Variants in KIF23 observed in about 807,000 individuals in gnomAD.
The protein encoded by KIF23 is kinesin-like protein KIF23.
Under a neutral mutation model 137.5 loss-of-function variants are expected in KIF23, and 30 were observed. The observed-to-expected ratio is 0.22, with a 90% CI of 0.16 to 0.30. KIF23 has a LOEUF of 0.30. Among genes scored for constraint, KIF23 ranks in the 10% least tolerant of loss-of-function variants. KIF23 has a pLI of 1.00. For synonymous variants in KIF23, 367 were observed against 391.1 expected (o/e 0.94, Z 0.73); for missense variants, 920 against 1,194.3 (o/e 0.77, Z 3.38).
At chr15:69,438,825 T>C (rs543908796) in intron 16 of KIF23, among the ~76,000 whole-genome samples, 1 of 151,006 alleles carries the variant, frequency 6.6e-6, no homozygotes. Flanking sequence ...GTTCTCAGGC[T>C]GAGTGCGGGG....
chr15:69,414,358 C>CG lies in KIF23; in HGVS notation c.-107dup, dbSNP rs2056829654. ...CGTCGCCGCCGGCTTCGCAGAGCAC[C>CG]GCGCCTTAGCCGCGAAGTTCTAGTT... On this transcript the variant is annotated 5_prime_UTR_variant, in exon 1 of 24. Transcript: ENST00000679126. The CG allele has an allele frequency of 2.7e-6, 4 of 1,482,662 alleles. No individual in the cohort carries two copies. Among genetic ancestry groups the CG allele is most frequent in the Non-Finnish European group, 3.7e-6 (4 of 1,095,568 alleles). 91.8% of individuals were successfully genotyped at this position (1,482,662 alleles called of 1,614,324 possible). A position where few individuals can be genotyped will look rare whatever the true frequency, so the allele number is the denominator to read the frequency against.
Position 69,426,720 on chromosome 15 carries a change from GA to G in KIF23, c.1011+272del, listed in dbSNP as rs1042248021. ...GGGTGACAGAGTGAGACCCTGTCTT[GA>G]AAAAAAAAGTTAAATTAGAGAGGTT... On this transcript the variant is annotated intron_variant, in intron 10 of 23. Coordinates refer to ENST00000679126, the MANE Select transcript of KIF23 (RefSeq NM_001367805.3). 4.5e-4 allele frequency: 154 copies of G among 344,234 alleles called. 1 individual carries two copies. The highest frequency in any genetic ancestry group is 8.4e-4 in the East Asian group (16 of 19,128). The allele number at this position is 344,234 out of a possible 1,614,324, so 21.3% of individuals were successfully genotyped here.
chr15:69,419,725 T>A (rs2057006499), intron 3 of KIF23, among the ~76,000 whole-genome samples: 3 of 152,238 alleles, frequency 2.0e-5, no homozygotes, highest in African/African-American at 7.2e-5. Flanking sequence ...GTACCTTATA[T>A]GTTCTGTTCA....
chr15:69,440,002 T>C lies in KIF23; in HGVS notation c.1854T>C (p.Phe618=), dbSNP rs1327098870. The C allele has an allele frequency of 6.2e-7, 1 of 1,614,098 alleles. No homozygotes were observed. Among genetic ancestry groups the C allele is most frequent in the South Asian group, 1.1e-5 (1 of 91,076 alleles). ...AGAACCAGAAACTTCAGCGACAGTT[T>C]TCTGACAAACGCAGATTAGAAGCCA... ...ETQNQKLQRQ[F]SDKRRLEARL... The change falls in exon 17 of 24, where the codon TTT becomes TTC. Residue 618 remains phenylalanine, a synonymous_variant. Transcript: ENST00000679126.
At position 69,423,139 on chromosome 15, in the gene KIF23, T is replaced by C. The variant is rs757365834; in HGVS notation, c.564-20T>C. The C allele has an allele frequency of 1.3e-6, 2 of 1,495,490 alleles. No homozygotes were observed. The highest frequency in any genetic ancestry group is 1.8e-6 in the Non-Finnish European group (2 of 1,086,226). 92.6% of individuals were successfully genotyped at this position (1,495,490 alleles called of 1,614,324 possible). Reference sequence around the variant, plus strand: ...TAAAATGGACTTATAACGTATACAATTGAACTTTTCTTTTTTTAGACGACA... The same window carrying C: ...TAAAATGGACTTATAACGTATACAACTGAACTTTTCTTTTTTTAGACGACA... On this transcript the variant is annotated intron_variant, in intron 6 of 23. Transcript: ENST00000679126.
intron 11 of KIF23, among the ~76,000 whole-genome samples, chr15:69,430,292 TGATA>T (rs2057324595): frequency 6.6e-6 from 1 of 152,244 alleles, no homozygotes; most frequent in Non-Finnish European, 1.5e-5. Flanking sequence ...TGTTATATTT[TGATA>T]GATGTATGCA....
At chr15:69,435,404 G>A in intron 11 of KIF23, 79 bp from the exon 12 acceptor site, 1 of 1,153,370 alleles carries the variant, frequency 8.7e-7, no homozygotes, top group Admixed American at 2.5e-5. Context: ...TTGAAGTTGA[G>A]ATTTTATAGG....
chr15:69,437,456 CTTTTTTTTT>C (rs772460557), intron 15 of KIF23, among the ~76,000 whole-genome samples: 2 of 120,562 alleles, frequency 1.7e-5, no homozygotes, highest in African/African-American at 3.2e-5. Context: ...AATGTATCTA[CTTTTTTTTT>C]TTTTTTTTTT....
At chr15:69,445,550 CAA>C (rs111742083) in intron 20 of KIF23, among the ~76,000 whole-genome samples, 2 of 144,178 alleles carry the variant, frequency 1.4e-5, no homozygotes, top group Non-Finnish European at 1.5e-5. Context: ...AAGATAAGAC[CAA>C]AAAAAAAAAA....
At chr15:69,436,804 G>T (rs988527794) in intron 15 of KIF23, 82 bp downstream of exon 15, 2 of 864,376 alleles carry the variant, frequency 2.3e-6, no homozygotes, top group Non-Finnish European at 3.2e-6. Context: ...CCCCAGGGTG[G>T]AGTGCAGTGG....
At chr15:69,433,678 G>C (rs1381225469) in intron 11 of KIF23, among the ~76,000 whole-genome samples, 1 of 152,144 alleles carries the variant, frequency 6.6e-6, no homozygotes, top group African/African-American at 2.4e-5. Context: ...CCTGATGCCA[G>C]AAAGTTTGGG....
At chr15:69,426,991 C>T (rs1187136686) in intron 10 of KIF23, among the ~76,000 whole-genome samples, 1 of 151,848 alleles carries the variant, frequency 6.6e-6, no homozygotes, top group African/African-American at 2.4e-5. Flanking sequence ...TTAAAATATA[C>T]AGGAGGGCTG....
chr15:69,424,468 A>G (rs1314922348), intron 7 of KIF23, among the ~76,000 whole-genome samples: 1 of 152,196 alleles, frequency 6.6e-6, no homozygotes, highest in Non-Finnish European at 1.5e-5. Context: ...AATAGTAAAA[A>G]TACTTGGGTT....
Position 69,441,067 on chromosome 15 carries a change from T to A in KIF23, c.2409T>A (p.Asp803Glu). 6.2e-7 allele frequency: 1 copy of A among 1,610,740 alleles called. No individual in the cohort carries two copies. The highest frequency in any genetic ancestry group is 8.5e-7 in the Non-Finnish European group (1 of 1,177,306). ...GAAATGAGATAGAAATAGAAGAGGA[T>A]CATTGCGGCAGGGTTAGTGCCAGTA... ...TFRNEIEIEE[D>E]HCGRLLFQPD... The change falls in exon 19 of 24, where the codon GAT (aspartate) becomes GAA (glutamate). Residue 803 changes from aspartate to glutamate, a missense_variant. Asp to Glu is a conservative substitution (Grantham distance 45). This residue lies in a region of KIF23 where 714 missense variants were observed against 866.2 expected (regional missense o/e 0.82). Transcript: ENST00000679126.
At chr15:69,441,194 G>T (rs1204605290) in intron 19 of KIF23, 115 bp downstream of exon 19, 2 of 919,256 alleles carry the variant, frequency 2.2e-6, no homozygotes, top group South Asian at 1.9e-5. Flanking sequence ...TATAAAGAAG[G>T]TCTAATTTCT....
At chr15:69,421,941 C>A (rs1453025574) in intron 4 of KIF23, 51 bp from the exon 5 acceptor site, 3 of 1,595,158 alleles carry the variant, frequency 1.9e-6, no homozygotes, top group South Asian at 1.1e-5. Context: ...AAGAAATACT[C>A]TAAGTGGAGA....
chr15:69,446,551 A>T (rs1174187243), intron 22 of KIF23, 187 bp downstream of exon 22: 1 of 629,006 alleles, frequency 1.6e-6, no homozygotes, highest in East Asian at 2.7e-5. Flanking sequence ...TGCAAGTGTT[A>T]TTCCTGAGGA....
intron 11 of KIF23, among the ~76,000 whole-genome samples, chr15:69,430,512 G>A (rs2057330051): frequency 6.6e-6 from 1 of 152,334 alleles, no homozygotes; most frequent in Non-Finnish European, 1.5e-5. Flanking sequence ...GGAGTGCAGG[G>A]TAGGGCTGCC....
intron 19 of KIF23, among the ~76,000 whole-genome samples, chr15:69,442,853 CTG>C (rs1390818423): frequency 6.6e-6 from 1 of 152,186 alleles, no homozygotes; most frequent in Non-Finnish European, 1.5e-5. Flanking sequence ...AGGTTAGTAT[CTG>C]TGCATCTAAG....
Sources: allele counts gnomAD v4.1 joint callset (sites outside exome capture counted in the v4.1 genomes callset), GRCh38; gene constraint gnomAD v4.1.1; regional missense constraint gnomAD v4.1.1; transcripts MANE v1.5; gene names NCBI Gene and HGNC (gene_info 2026-07-23, HGNC 2026-07-21).